Variants in LUZP2 observed in about 807,000 individuals in gnomAD.
The protein encoded by LUZP2 is leucine zipper protein 2.
A neutral mutation model predicts 51.6 loss-of-function variants in LUZP2; 52 were observed. The ratio of observed to expected loss-of-function variants is 1.01; its 90% CI spans 0.81 to 1.27. LUZP2 has a LOEUF of 1.27. Among genes scored for constraint, LUZP2 ranks in the 50% most tolerant of loss-of-function variants. The pLI is 0.00. For missense variants in LUZP2, 436 were observed against 395.4 expected, an observed-to-expected ratio of 1.10 and a Z score of -0.87; for synonymous variants, 154 against 137.3, an observed-to-expected ratio of 1.12 and a Z score of -0.85.
At chr11:25,028,586 A>T (rs562110368) in intron 9 of LUZP2, among the ~76,000 whole-genome samples, 1 of 152,206 alleles carries the variant, frequency 6.6e-6, no homozygotes, top group African/African-American at 2.4e-5. Context: ...GGAGCTAAAA[A>T]TTAAAACAAT....
chr11:24,769,968 A>G (rs763603951), intron 5 of LUZP2, among the ~76,000 whole-genome samples: 6 of 151,856 alleles, frequency 4.0e-5, no homozygotes, highest in South Asian at 2.1e-4. Context: ...AAATTTTTGT[A>G]TTTTCAGTAG....
At chr11:24,948,921 TA>T (rs1340501560) in intron 7 of LUZP2, among the ~76,000 whole-genome samples, 1 of 151,336 alleles carries the variant, frequency 6.6e-6, no homozygotes, top group Admixed American at 6.6e-5. Context: ...AGAACCATAT[TA>T]ACAGAGCCAA....
intron 9 of LUZP2, among the ~76,000 whole-genome samples, chr11:25,031,559 T>C (rs991405318): frequency 6.6e-6 from 1 of 152,158 alleles, no homozygotes; most frequent in African/African-American, 2.4e-5. Context: ...GTTTTCAAAT[T>C]GTTAATTTTT....
chr11:24,569,824 G>A (rs1852372842), intron 1 of LUZP2, among the ~76,000 whole-genome samples: 1 of 151,838 alleles, frequency 6.6e-6, no homozygotes, highest in Admixed American at 6.6e-5. Flanking sequence ...GGAATAGTAT[G>A]GGGAATCTGT....
At chr11:24,708,667 C>T (rs892944661) in intron 1 of LUZP2, among the ~76,000 whole-genome samples, 1 of 152,132 alleles carries the variant, frequency 6.6e-6, no homozygotes, top group Non-Finnish European at 1.5e-5. Context: ...TCTTCACCCC[C>T]ACAAGAGATT....
intron 4 of LUZP2, among the ~76,000 whole-genome samples, chr11:24,752,734 A>G (rs1859638474): frequency 6.6e-6 from 1 of 152,142 alleles, no homozygotes; most frequent in Non-Finnish European, 1.5e-5. Flanking sequence ...AAAAAATAAG[A>G]TGGAAAAAAT....
chr11:24,841,278 G>T (rs544791256), intron 5 of LUZP2, among the ~76,000 whole-genome samples: 7 of 152,074 alleles, frequency 4.6e-5, no homozygotes, highest in Non-Finnish European at 8.8e-5. Context: ...GATAGAGCTA[G>T]AAGGTGGCTG....
chr11:24,774,360 CTCTA>C (rs1272628073), intron 5 of LUZP2, among the ~76,000 whole-genome samples: 12 of 76,146 alleles, frequency 1.6e-4, no homozygotes, highest in Admixed American at 2.9e-4. Flanking sequence ...CTCTCTCTCT[CTCTA>C]TATATATATA....
chr11:24,854,450 G>A (rs2631447), intron 5 of LUZP2, among the ~76,000 whole-genome samples: 23,043 of 152,162 alleles, frequency 0.15, 1,901 homozygotes, highest in African/African-American at 0.2. Context: ...TCAAGCTTCA[G>A]TAATGGTGGA....
In LUZP2 at chr11:24,740,388, C is replaced by T. The variant is rs547215139; in HGVS notation, c.333+2086C>T. Among the ~76,000 whole-genome samples, 67 of 152,222 alleles carry T rather than the reference C, an allele frequency of 4.4e-4. 1 individual carries two copies. Among genetic ancestry groups the T allele is most frequent in the Admixed American group, 7.9e-4 (12 of 15,276 alleles). The stretch of plus-strand genomic sequence containing the variant: ...ATAATGTAGACTGAGTCACCTTTGC[C>T]TTCATCTCAGCGTGCTGGCAGTGCC... On this transcript the variant is annotated intron_variant, in intron 4 of 11. Transcript: ENST00000336930.
chr11:25,050,174 A>G (rs1163840106), intron 10 of LUZP2, 44 bp downstream of exon 10: 14 of 1,174,946 alleles, frequency 1.2e-5, no homozygotes, highest in East Asian at 2.6e-5. Context: ...AGACAGGAGA[A>G]AAAAGCACAA....
chr11:24,796,017 A>G (rs982135960), intron 5 of LUZP2, among the ~76,000 whole-genome samples: 1 of 152,124 alleles, frequency 6.6e-6, no homozygotes, highest in Non-Finnish European at 1.5e-5. Context: ...TAGATACTGT[A>G]TAAACTTATT....
intron 1 of LUZP2, among the ~76,000 whole-genome samples, chr11:24,593,735 G>A (rs1853334774): frequency 6.6e-6 from 1 of 152,170 alleles, no homozygotes; most frequent in African/African-American, 2.4e-5. Context: ...GAAGCTCCAA[G>A]GCTTTTTATT....
intron 5 of LUZP2, among the ~76,000 whole-genome samples, chr11:24,900,961 C>A (rs1853261285): frequency 6.6e-6 from 1 of 152,092 alleles, no homozygotes; most frequent in Admixed American, 6.6e-5. Context: ...ACCTGATCAC[C>A]TTTCTCTAAT....
chr11:24,587,279 G>T (rs938093302), intron 1 of LUZP2, among the ~76,000 whole-genome samples: 2 of 152,074 alleles, frequency 1.3e-5, no homozygotes, highest in Admixed American at 1.3e-4. Context: ...AGATTCAGTG[G>T]GAGGTATTAA....
At chr11:24,860,878 C>A (rs188789966) in intron 5 of LUZP2, among the ~76,000 whole-genome samples, 10 of 152,218 alleles carry the variant, frequency 6.6e-5, no homozygotes, top group African/African-American at 2.4e-4. Context: ...GCTGAAAACC[C>A]AAAAGGCCAG....
chr11:24,704,538 A>G (rs1857515139), intron 1 of LUZP2, among the ~76,000 whole-genome samples: 1 of 151,646 alleles, frequency 6.6e-6, no homozygotes. Flanking sequence ...CACTGACATT[A>G]CCTTAGAGTC....
chr11:24,846,978 T>C (rs1851222444), intron 5 of LUZP2, among the ~76,000 whole-genome samples: 1 of 151,734 alleles, frequency 6.6e-6, no homozygotes, highest in African/African-American at 2.4e-5. Context: ...TATACACTCA[T>C]ATATAGTACG....
rs868574993 is a variant in LUZP2, at chr11:24,559,901, T to C, written c.62+62596T>C. Among the ~76,000 whole-genome samples, 15 of 152,186 alleles carry C rather than the reference T, an allele frequency of 9.9e-5. 1 individual carries two copies. In the South Asian group the frequency reaches 3.1e-3, roughly 32 times the overall value. ...ACAGTAGTTGTCTCCAAGACTGGTG[T>C]TTTTTTAGGGAGGGTAGACCCTTTA... On this transcript the variant is annotated intron_variant, in intron 1 of 11. Coordinates refer to ENST00000336930, the MANE Select transcript of LUZP2 (RefSeq NM_001009909.4).
Sources: allele counts gnomAD v4.1 joint callset (sites outside exome capture counted in the v4.1 genomes callset), GRCh38; gene constraint gnomAD v4.1.1; transcripts MANE v1.5; gene names NCBI Gene and HGNC (gene_info 2026-07-23, HGNC 2026-07-21).